The following TCERG1L variants were observed in gnomAD, a reference collection of about 807,000 sequenced individuals.
TCERG1L encodes transcription elongation regulator 1 like.
TCERG1L carries 37 observed loss-of-function variants against 56.3 expected under a neutral mutation model. The ratio of observed to expected loss-of-function variants is 0.66; its 90% CI spans 0.51 to 0.87. The LOEUF (loss-of-function observed/expected upper bound fraction) is 0.87. Ranked by LOEUF, TCERG1L falls within the 40% of genes least tolerant of loss-of-function variation. The pLI is 0.00. For synonymous variants in TCERG1L, 324 were observed against 326.3 expected, an observed-to-expected ratio of 0.99 and a Z score of 0.08; for missense variants, 799 against 774.2, an observed-to-expected ratio of 1.03 and a Z score of -0.38.
At chr10:131,097,191 GGTCT>G (rs1845257207) in intron 11 of TCERG1L, among the ~76,000 whole-genome samples, 1 of 128,400 alleles carries the variant, frequency 7.8e-6, no homozygotes, top group Non-Finnish European at 1.6e-5. Flanking sequence ...ACACAGCGAG[GGTCT>G]GTCTCAAAAA....
chr10:131,224,657 C>T (rs570483307), intron 4 of TCERG1L, among the ~76,000 whole-genome samples: 2 of 152,294 alleles, frequency 1.3e-5, no homozygotes, highest in Admixed American at 6.5e-5. Context: ...ACCGAAGTCA[C>T]GTCCTCCCTC....
chr10:131,216,809 C>T (rs1460035371), intron 4 of TCERG1L, among the ~76,000 whole-genome samples: 2 of 152,170 alleles, frequency 1.3e-5, no homozygotes, highest in Admixed American at 6.5e-5. Context: ...ACACAGGCAT[C>T]GGAGCCCCCC....
chr10:131,171,701 G>A (rs1054624900), intron 4 of TCERG1L, among the ~76,000 whole-genome samples: 1 of 152,184 alleles, frequency 6.6e-6, no homozygotes, highest in African/African-American at 2.4e-5. Context: ...CTCCCGAGCA[G>A]CTGAGATTAC....
intron 10 of TCERG1L, among the ~76,000 whole-genome samples, chr10:131,100,278 C>T (rs1845292763): frequency 6.6e-6 from 1 of 152,148 alleles, no homozygotes; most frequent in Non-Finnish European, 1.5e-5. Context: ...AAGCATGTGG[C>T]TCCATCATTA....
At chr10:131,126,087 C>T (rs565492292) in intron 8 of TCERG1L, among the ~76,000 whole-genome samples, 7 of 152,330 alleles carry the variant, frequency 4.6e-5, no homozygotes, top group South Asian at 2.1e-4. Flanking sequence ...TTGGTCAGCT[C>T]CTGACTGCCT....
At chr10:131,288,593 G>A (rs752631544) in intron 3 of TCERG1L, among the ~76,000 whole-genome samples, 3 of 152,316 alleles carry the variant, frequency 2.0e-5, no homozygotes, top group Non-Finnish European at 2.9e-5. Context: ...ATCAAGCTCT[G>A]TGCCTATAAA....
At position 131,221,629 on chromosome 10, in the gene TCERG1L, G is replaced by A. The variant is rs564098130; in HGVS notation, c.856+38630C>T. ...TATGTGTAAAACTGCATGTGTTATC[G>A]CCGTGTATTGAACACGGATCCCGGC... On this transcript the variant is annotated intron_variant, in intron 4 of 11. Transcript: ENST00000368642. 2.0e-4 allele frequency among the ~76,000 whole-genome samples: 30 copies of A among 152,276 alleles called. 1 individual carries two copies. Among genetic ancestry groups the A allele is most frequent in the African/African-American group, 7.2e-4 (30 of 41,556 alleles).
At position 131,302,671 on chromosome 10, in the gene TCERG1L, A is replaced by C. The variant is rs551639716; in HGVS notation, c.670+5540T>G. ...ACTTTAAGTTCTGGGATACATGTGC[A>C]GAACTTGCAGGTTTGTTATATAGGT... On this transcript the variant is annotated intron_variant, in intron 3 of 11. Transcript: ENST00000368642. 2.0e-5 allele frequency among the ~76,000 whole-genome samples: 3 copies of C among 148,522 alleles called. No homozygotes were observed. The South Asian group carries it at 6.4e-4, about 31-fold the overall frequency.
intron 9 of TCERG1L, among the ~76,000 whole-genome samples, chr10:131,116,154 T>C (rs1221721386): frequency 1.3e-5 from 2 of 152,134 alleles, no homozygotes; most frequent in African/African-American, 2.4e-5. Context: ...AAGCAGGAAA[T>C]GATAGTCATT....
chr10:131,278,632 C>A (rs912487028), intron 3 of TCERG1L, among the ~76,000 whole-genome samples: 2 of 152,144 alleles, frequency 1.3e-5, no homozygotes, highest in Non-Finnish European at 2.9e-5. Flanking sequence ...CATGAGCCAC[C>A]GCACCCAGCC....
chr10:131,251,109 GC>G (rs1406868774), intron 4 of TCERG1L, among the ~76,000 whole-genome samples: 2 of 152,268 alleles, frequency 1.3e-5, no homozygotes, highest in African/African-American at 2.4e-5. Flanking sequence ...GCTGTATGGT[GC>G]CCCTTTCAAG....
At chr10:131,147,571 C>G (rs756651737) in intron 6 of TCERG1L, among the ~76,000 whole-genome samples, 1 of 152,248 alleles carries the variant, frequency 6.6e-6, no homozygotes, top group African/African-American at 2.4e-5. Flanking sequence ...CACCGAGGCC[C>G]GTTCCAGGTG....
At chr10:131,282,755 C>T (rs2133564294) in intron 3 of TCERG1L, among the ~76,000 whole-genome samples, 1 of 152,292 alleles carries the variant, frequency 6.6e-6, no homozygotes, top group East Asian at 1.9e-4. Flanking sequence ...CTTTGTCAGG[C>T]TTTGGAGAAC....
chr10:131,126,472 G>C (rs1845566153), intron 8 of TCERG1L, among the ~76,000 whole-genome samples: 1 of 152,044 alleles, frequency 6.6e-6, no homozygotes, highest in African/African-American at 2.4e-5. Context: ...GTTCTGGCTG[G>C]GGGCAGAATC....
chr10:131,187,401 C>T (rs751488267), intron 4 of TCERG1L, among the ~76,000 whole-genome samples: 1 of 152,182 alleles, frequency 6.6e-6, no homozygotes, highest in Non-Finnish European at 1.5e-5. Context: ...TCCAGTTGTA[C>T]TAGACATGAG....
intron 7 of TCERG1L, among the ~76,000 whole-genome samples, chr10:131,140,993 T>C (rs1845732186): frequency 6.6e-6 from 1 of 152,140 alleles, no homozygotes; most frequent in African/African-American, 2.4e-5. Flanking sequence ...GATTGCATCC[T>C]GCTTATGAGA....
At chr10:131,148,403 TACAGAGAC>T (rs1845822771) in intron 6 of TCERG1L, among the ~76,000 whole-genome samples, 2 of 146,894 alleles carry the variant, frequency 1.4e-5, no homozygotes, top group South Asian at 2.2e-4. Flanking sequence ...CACACAGATA[TACAGAGAC>T]ACACATGCAC....
intron 7 of TCERG1L, among the ~76,000 whole-genome samples, chr10:131,137,708 G>A (rs1434834514): frequency 6.6e-6 from 1 of 152,132 alleles, no homozygotes; most frequent in Non-Finnish European, 1.5e-5. Context: ...AATTTTTTAG[G>A]GTTTTAAACA....
intron 4 of TCERG1L, among the ~76,000 whole-genome samples, chr10:131,198,044 GTT>G (rs35590332): frequency 6.6e-6 from 1 of 151,942 alleles, no homozygotes; most frequent in East Asian, 1.9e-4. Context: ...CAGAATTGCT[GTT>G]TTTTACAAAA....
Sources: allele counts gnomAD v4.1 joint callset (sites outside exome capture counted in the v4.1 genomes callset), GRCh38; gene constraint gnomAD v4.1.1; transcripts MANE v1.5; gene names NCBI Gene and HGNC (gene_info 2026-07-23, HGNC 2026-07-21).